ZFHX3: variants seen among roughly 807,000 people sequenced by gnomAD.
ZFHX3 encodes the protein zinc finger homeobox 3, also known as zinc finger homeobox protein 3.
ZFHX3 carries 42 observed loss-of-function variants against 279.1 expected under a neutral mutation model. The ratio of observed to expected loss-of-function variants is 0.15; its 90% confidence interval spans 0.12 to 0.19. The LOEUF is 0.19. Among genes scored for constraint, ZFHX3 ranks in the 10% least tolerant of loss-of-function variants. The pLI, the probability that ZFHX3 is intolerant of heterozygous loss-of-function variation, is 1.00. For synonymous variants in ZFHX3, 2,293 were observed against 1,957.8 expected, an observed-to-expected ratio of 1.17 and a Z score of -4.52; for missense variants, 4,981 against 4,754.0, an observed-to-expected ratio of 1.05 and a Z score of -1.40.
intron 1 of ZFHX3, among the ~76,000 whole-genome samples, chr16:73,836,516 A>G (rs189638633): frequency 5.9e-5 from 9 of 152,362 alleles, no homozygotes; most frequent in African/African-American, 7.2e-5. Flanking sequence ...ATGTAACTGA[A>G]GTAGTCATTA....
chr16:73,275,420 G>C (rs1238981001), intron 4 of ZFHX3, among the ~76,000 whole-genome samples: 5 of 140,774 alleles, frequency 3.6e-5, no homozygotes. Flanking sequence ...CATGACTGCT[G>C]GGGCTCAGGG....
At chr16:72,879,023 G>A (rs948055505) in intron 4 of ZFHX3, among the ~76,000 whole-genome samples, 70 of 152,270 alleles carry the variant, frequency 4.6e-4, no homozygotes, top group African/African-American at 1.6e-3. Flanking sequence ...GGCTGCCCTC[G>A]AGGCTCACAT....
intron 1 of ZFHX3, among the ~76,000 whole-genome samples, chr16:72,995,390 G>A (rs978828023): frequency 6.6e-5 from 10 of 152,048 alleles, no homozygotes; most frequent in Non-Finnish European, 1.2e-4. Flanking sequence ...AGTTCAGCAC[G>A]GACTTAATGA....
intron 5 of ZFHX3, among the ~76,000 whole-genome samples, chr16:73,215,623 C>A (rs1266969028): frequency 2.0e-5 from 3 of 152,166 alleles, no homozygotes; most frequent in Non-Finnish European, 2.9e-5. Context: ...TTTGACATGG[C>A]CCCATACTCA....
chr16:73,840,601 C>T (rs549455410), intron 1 of ZFHX3, among the ~76,000 whole-genome samples: 38 of 152,284 alleles, frequency 2.5e-4, no homozygotes, highest in African/African-American at 9.1e-4. Flanking sequence ...GAGTGTCGGG[C>T]TCTATTGCAC....
intron 8 of ZFHX3, among the ~76,000 whole-genome samples, chr16:73,085,464 T>C (rs533854885): frequency 1.3e-5 from 2 of 152,264 alleles, no homozygotes; most frequent in African/African-American, 4.8e-5. Flanking sequence ...CAGGCTGGTC[T>C]TGAATTCCTG....
intron 5 of ZFHX3, among the ~76,000 whole-genome samples, chr16:73,157,790 G>A (rs1389093323): frequency 1.3e-5 from 2 of 152,106 alleles, no homozygotes; most frequent in South Asian, 4.1e-4. Context: ...ATAACGCCAC[G>A]AGGTTTGCTG....
At chr16:73,664,375 T>C (rs2052814771) in intron 2 of ZFHX3, among the ~76,000 whole-genome samples, 1 of 152,224 alleles carries the variant, frequency 6.6e-6, no homozygotes, top group Non-Finnish European at 1.5e-5. Flanking sequence ...AAATCGAAGA[T>C]GGCTTAAGGT....
intron 1 of ZFHX3, among the ~76,000 whole-genome samples, chr16:73,753,857 G>A (rs1216932665): frequency 6.6e-6 from 1 of 152,084 alleles, no homozygotes; most frequent in Non-Finnish European, 1.5e-5. Context: ...TATGACCAGA[G>A]ATGGACAGGA....
chr16:73,678,802 G>T (rs575015786), intron 2 of ZFHX3, among the ~76,000 whole-genome samples: 2 of 152,260 alleles, frequency 1.3e-5, no homozygotes, highest in Admixed American at 6.5e-5. Flanking sequence ...GCTTGCTTCA[G>T]TGATTCTGCA....
At chr16:73,581,545 G>A (rs1258828149) in intron 2 of ZFHX3, among the ~76,000 whole-genome samples, 1 of 150,208 alleles carries the variant, frequency 6.7e-6, no homozygotes, top group East Asian at 2.0e-4. Flanking sequence ...GTACCGCAGT[G>A]ATTTTTTGAA....
rs1555510877 is a variant in ZFHX3 at position 73,337,889 on chromosome 16, TG to T, written c.-1290-19554del. ...ATTTCAATAAGTCTTCATCTTCCCT[TG>T]GCGGGGGGGGGGGTCCTCATCCCCT... On this transcript the variant is annotated intron_variant, in intron 3 of 17. Coordinates refer to the ZFHX3 transcript ENST00000641206. 1.5e-3 allele frequency among the ~76,000 whole-genome samples: 45 copies of T among 30,748 alleles called. 1 individual carries two copies. The East Asian group carries it at 0.018, about 12-fold the overall frequency. 20.2% of individuals were successfully genotyped at this position (30,748 alleles called of 152,430 possible).
intron 2 of ZFHX3, among the ~76,000 whole-genome samples, chr16:73,603,222 T>C (rs944954222): frequency 6.6e-6 from 1 of 150,564 alleles, no homozygotes; most frequent in African/African-American, 2.4e-5. Context: ...GAGGTGGAGC[T>C]TGCAGTGAGC....
intron 1 of ZFHX3, among the ~76,000 whole-genome samples, chr16:73,800,373 CG>C (rs1960109417): frequency 6.6e-6 from 1 of 151,970 alleles, no homozygotes; most frequent in African/African-American, 2.4e-5. Context: ...GCACACCACC[CG>C]CCTGGCTAAT....
intron 2 of ZFHX3, among the ~76,000 whole-genome samples, chr16:72,952,962 G>A (rs1188059373): frequency 1.3e-5 from 2 of 152,194 alleles, no homozygotes; most frequent in Admixed American, 6.5e-5. Context: ...CCTTTTATGT[G>A]TGGTTGGGCT....
intron 3 of ZFHX3, among the ~76,000 whole-genome samples, chr16:72,899,848 G>A (rs1239030659): frequency 1.3e-5 from 2 of 152,120 alleles, no homozygotes; most frequent in Non-Finnish European, 2.9e-5. Context: ...TATTACTAAT[G>A]TTATTTTTCA....
chr16:73,058,374 C>A (rs1217926080), intron 1 of ZFHX3, among the ~76,000 whole-genome samples: 4 of 144,422 alleles, frequency 2.8e-5, no homozygotes, highest in African/African-American at 1.0e-4. Context: ...CGGCGGCGGC[C>A]GGGCGCGAGA....
chr16:72,927,063 A>C (rs1959489741), intron 3 of ZFHX3, among the ~76,000 whole-genome samples: 1 of 152,152 alleles, frequency 6.6e-6, no homozygotes, highest in Non-Finnish European at 1.5e-5. Context: ...ACCTCTAAAA[A>C]TCTATTTCCA....
intron 3 of ZFHX3, among the ~76,000 whole-genome samples, chr16:73,433,978 C>G (rs145075304): frequency 4.6e-5 from 7 of 152,150 alleles, no homozygotes; most frequent in Non-Finnish European, 1.0e-4. Flanking sequence ...TATTGACTTG[C>G]GTGTCCCTTC....
Sources: allele counts gnomAD v4.1 joint callset (sites outside exome capture counted in the v4.1 genomes callset), GRCh38; gene constraint gnomAD v4.1.1; transcripts MANE v1.5; gene names NCBI Gene and HGNC (gene_info 2026-07-23, HGNC 2026-07-21).